MEST: variants seen among roughly 807,000 people sequenced by gnomAD.
The protein encoded by MEST is mesoderm-specific transcript homolog protein.
A neutral mutation model predicts 50.9 loss-of-function variants in MEST; 18 were observed. The observed-to-expected ratio is 0.35, with a 90% CI of 0.24 to 0.52. MEST has a LOEUF of 0.52. Ranked by LOEUF, MEST falls within the 20% of genes least tolerant of loss-of-function variation. The pLI, the probability that MEST is intolerant of heterozygous loss-of-function variation, is 0.94. For synonymous variants in MEST, 130 were observed against 154.1 expected (o/e 0.84, Z 1.16); for missense variants, 282 against 425.3 (o/e 0.66, Z 2.96).
At position 130,502,668 on chromosome 7, in the gene MEST, G is replaced by A; in HGVS notation, c.774G>A (p.Arg258=). 6.2e-7 allele frequency: 1 copy of A among 1,613,898 alleles called. No homozygotes were observed. Among genetic ancestry groups the A allele is most frequent in the East Asian group, 2.2e-5 (1 of 44,870 alleles). The stretch of plus-strand genomic sequence containing the variant: ...GTCTCTTACAGTACATCAATCAGAG[G>A]AAGAAGTTCAGAAGGCGCTGGGTGG... The part of the protein sequence containing the change: ...IDSLLQYINQ[R]KKFRRRWVGA... The change falls in exon 10 of 12, where the codon AGG becomes AGA. Residue 258 remains arginine, a synonymous_variant. Transcript: ENST00000223215.
upstream of MEST, chr7:130,488,357 G>A (rs925600260): frequency 1.3e-5 from 2 of 152,164 alleles, no homozygotes; most frequent in African/African-American, 4.8e-5. Context: ...TGCACTCATT[G>A]GAGCCATACA....
Position 130,497,963 on chromosome 7 carries a change from C to G in MEST, c.289C>G (p.His97Asp), listed in dbSNP as rs782604357. ...KIWEGLTLRF[H>D]RVIALDFLGF... Reference sequence around the variant, plus strand: ...TTGGGAAGGTCTGACCTTGAGGTTTCATCGGGTGATTGCCCTTGATTTCTT... The same window carrying G: ...TTGGGAAGGTCTGACCTTGAGGTTTGATCGGGTGATTGCCCTTGATTTCTT... Residue 97 changes from histidine (H) to aspartate (D), a missense_variant, in exon 4 of 12, where the codon CAT (histidine) becomes GAT (aspartate). Coordinates refer to ENST00000223215, the MANE Select transcript of MEST (RefSeq NM_002402.4). The surrounding 1 kb of genome is among the most constrained non-coding windows in gnomAD (Gnocchi z 4.0). 2.5e-6 allele frequency: 4 copies of G among 1,614,254 alleles called. No individual in the cohort carries two copies. The South Asian group carries it at 3.3e-5, about 13-fold the overall frequency.
Position 130,492,285 on chromosome 7 carries a change from T to C in MEST, c.-29T>C. The C allele has an allele frequency of 1.5e-6, 2 of 1,348,102 alleles. No individual in the cohort carries two copies. The highest frequency in any genetic ancestry group is 3.0e-5 in the East Asian group (1 of 33,040). 83.5% of individuals were successfully genotyped at this position (1,348,102 alleles called of 1,614,324 possible). ...TGCGGCGCCCGGTGCTCTGCAACGC[T>C]GCGGCGGGCGGCATGGGATAACGCG... is the stretch of plus-strand genomic sequence containing the variant. On this transcript the variant is annotated 5_prime_UTR_variant, in exon 1 of 12. Coordinates refer to ENST00000223215, the MANE Select transcript of MEST (RefSeq NM_002402.4). This position sits in a 1 kb window ranked among gnomAD's most constrained non-coding sequence, Gnocchi z 7.6.
At chr7:130,491,213 C>G (rs1798797405), upstream of MEST, 1 of 152,372 alleles carries the variant, frequency 6.6e-6, no homozygotes, top group East Asian at 1.9e-4. The surrounding 1 kb of genome is among the most constrained non-coding windows in gnomAD (Gnocchi z 6.8). Flanking sequence ...TTTCTTGTGC[C>G]TCTGGGCCCT....
chr7:130,503,854 C>T (rs1180921545), intron 10 of MEST, 79 bp from the exon 11 acceptor site: 16 of 1,047,018 alleles, frequency 1.5e-5, no homozygotes, highest in Admixed American at 5.7e-5. Flanking sequence ...CATTTCTTTT[C>T]GGAGAGGAGT....
rs911252013 is a variant in MEST at position 130,495,268 on chromosome 7, G to A, written c.27-100G>A. The stretch of plus-strand genomic sequence containing the variant: ...GTGAAGGGCAATGTAATCATTGCAT[G>A]GTAACAGCAATCTCCCACCCCATCT... On this transcript the variant is annotated intron_variant, in intron 1 of 11. Coordinates refer to ENST00000223215, the MANE Select transcript of MEST (RefSeq NM_002402.4). 51 of 1,245,406 alleles carry A rather than the reference G, an allele frequency of 4.1e-5. No homozygotes were observed. The African/African-American group carries it at 6.9e-4, about 17-fold the overall frequency. The allele number at this position is 1,245,406 out of a possible 1,614,324, so 77.1% of individuals were successfully genotyped here. A position where few individuals can be genotyped will look rare whatever the true frequency, so the allele number is the denominator to read the frequency against.
chr7:130,505,143 C>T lies in MEST; in HGVS notation c.*87C>T, dbSNP rs1554439612. On this transcript the variant is annotated 3_prime_UTR_variant, in exon 12 of 12. Coordinates refer to ENST00000223215, the MANE Select transcript of MEST (RefSeq NM_002402.4). Reference sequence around the variant, plus strand: ...TTAGGAAGAAATGCCCAAAAGAGGTCCTGGCCATCAAACATAATTCTCTCA... The same window carrying T: ...TTAGGAAGAAATGCCCAAAAGAGGTTCTGGCCATCAAACATAATTCTCTCA... The T allele has an allele frequency of 2.0e-6, 2 of 975,744 alleles. No homozygotes were observed. The highest frequency in any genetic ancestry group is 1.6e-5 in the African/African-American group (1 of 61,996). 60.4% of individuals were successfully genotyped at this position (975,744 alleles called of 1,614,324 possible).
chr7:130,498,561 A>G (rs1799158992), intron 6 of MEST, 84 bp downstream of exon 6: 1 of 1,229,264 alleles, frequency 8.1e-7, no homozygotes, highest in Non-Finnish European at 1.2e-6. Flanking sequence ...TGGTAATCTG[A>G]TAATATTTCA....
chr7:130,503,839 G>C, intron 10 of MEST, 94 bp from the exon 11 acceptor site: 1 of 961,622 alleles, frequency 1.0e-6, no homozygotes, highest in South Asian at 1.4e-5. Context: ...AAAGGAAGAA[G>C]AAAACATTTC....
rs553650916 is a variant in MEST, at chr7:130,502,928, A to C, written c.826+208A>C. Among the ~76,000 whole-genome samples, 14 of 152,338 alleles carry C rather than the reference A, an allele frequency of 9.2e-5. 1 individual carries two copies. The South Asian group carries it at 2.9e-3, about 32-fold the overall frequency. On this transcript the variant is annotated intron_variant, in intron 10 of 11. Coordinates refer to ENST00000223215, the MANE Select transcript of MEST (RefSeq NM_002402.4). ...TGGGACCTACTTACACCAAAAAAAA[A>C]TCATTTTTCACCTGAAATTCAAATT...
At chr7:130,491,391 G>A (rs900478394), upstream of MEST, 2 of 152,342 alleles carry the variant, frequency 1.3e-5, no homozygotes, top group African/African-American at 4.8e-5. The surrounding 1 kb of genome is among the most constrained non-coding windows in gnomAD (Gnocchi z 6.8). Flanking sequence ...AAGGAAACCT[G>A]CCCCGCGCAG....
rs71178591 is a variant in MEST at position 130,495,778 on chromosome 7, G to GTTTTTTTT, written c.181+264_181+271dup. 130 of 189,688 alleles carry GTTTTTTTT rather than the reference G, an allele frequency of 6.9e-4. 3 individuals carry two copies. The highest frequency in any genetic ancestry group is 3.1e-3 in the South Asian group (25 of 7,980). 11.8% of individuals were successfully genotyped at this position (189,688 alleles called of 1,614,324 possible). ...TAGCTTGATATGTATTCCAATATTAGTTTTTTTTTTTTTTTGAGCAACCTG... is the reference window on the plus strand; with the variant it reads ...TAGCTTGATATGTATTCCAATATTAGTTTTTTTTTTTTTTTTTTTTTTTGAGCAACCTG... On this transcript the variant is annotated intron_variant, in intron 2 of 11. Coordinates refer to ENST00000223215, the MANE Select transcript of MEST (RefSeq NM_002402.4).
chr7:130,489,660 T>G (rs1798726618), upstream of MEST: 1 of 152,218 alleles, frequency 6.6e-6, no homozygotes, highest in African/African-American at 2.4e-5. Flanking sequence ...GCCTAAGATC[T>G]GGGTTCCATG....
In MEST at chr7:130,497,042, T is replaced by C. The variant is rs1243798257; in HGVS notation, c.182-114T>C. On this transcript the variant is annotated intron_variant, in intron 2 of 11. Transcript: ENST00000223215. The surrounding 1 kb of genome is among the most constrained non-coding windows in gnomAD (Gnocchi z 4.0). ...TTTACAAATAATTGTGTCATTTTAA[T>C]GTCAATTTGGTCACAGTTGCTTGTT... is the stretch of plus-strand genomic sequence containing the variant. 3 of 750,076 alleles carry C rather than the reference T, an allele frequency of 4.0e-6. No individual in the cohort carries two copies. Among genetic ancestry groups the C allele is most frequent in the Middle Eastern group, 2.5e-4 (1 of 4,026 alleles). 46.5% of individuals were successfully genotyped at this position (750,076 alleles called of 1,614,324 possible).
chr7:130,497,824 C>A lies in MEST; in HGVS notation c.262-112C>A. On this transcript the variant is annotated intron_variant, in intron 3 of 11. Coordinates refer to ENST00000223215, the MANE Select transcript of MEST (RefSeq NM_002402.4). This position sits in a 1 kb window ranked among gnomAD's most constrained non-coding sequence, Gnocchi z 4.0. The stretch of plus-strand genomic sequence containing the variant: ...CTGTGGTAGTTTCATGGCGTTTTCT[C>A]TTTATGGAAGTCTGTTAAGCCAAGA... 1.1e-6 allele frequency: 1 copy of A among 914,498 alleles called. No individual in the cohort carries two copies. Among genetic ancestry groups the A allele is most frequent in the South Asian group, 1.4e-5 (1 of 72,876 alleles). The allele number at this position is 914,498 out of a possible 1,614,324, so 56.6% of individuals were successfully genotyped here. A position where few individuals can be genotyped will look rare whatever the true frequency, so the allele number is the denominator to read the frequency against.
intron 2 of MEST, chr7:130,495,777 A>ATTTT (rs1563021896): frequency 1.6e-4 from 32 of 202,008 alleles, no homozygotes; most frequent in East Asian, 2.6e-4. Context: ...TTCCAATATT[A>ATTTT]GTTTTTTTTT....
At chr7:130,498,700 T>C in intron 6 of MEST, 1 of 598,672 alleles carries the variant, frequency 1.7e-6, no homozygotes. Flanking sequence ...TTACAAAGGA[T>C]AGTGACTTTA....
intron 2 of MEST, 152 bp downstream of exon 2, chr7:130,495,674 C>A: frequency 1.3e-6 from 1 of 754,522 alleles, no homozygotes; most frequent in Non-Finnish European, 2.0e-6. Flanking sequence ...CAGAGAAGCG[C>A]AGAAAACTGC....
At position 130,492,440 on chromosome 7, in the gene MEST, C is replaced by G; in HGVS notation, c.26+101C>G. On this transcript the variant is annotated intron_variant, in intron 1 of 11. Coordinates refer to ENST00000223215, the MANE Select transcript of MEST (RefSeq NM_002402.4). This position sits in a 1 kb window ranked among gnomAD's most constrained non-coding sequence, Gnocchi z 7.6. The stretch of plus-strand genomic sequence containing the variant: ...GCCCGTGTCCGAGCTGGGGCTGCCT[C>G]TGGGCGAAAACTCTACCGACAGGCG... The G allele has an allele frequency of 3.7e-6, 4 of 1,077,232 alleles. No homozygotes were observed. The highest frequency in any genetic ancestry group is 4.7e-6 in the Non-Finnish European group (4 of 842,116). The allele number at this position is 1,077,232 out of a possible 1,614,324, so 66.7% of individuals were successfully genotyped here.
Sources: gnomAD v4.1 joint callset for allele counts (sites outside exome capture counted in the v4.1 genomes callset) on GRCh38, gnomAD v4.1.1 for gene constraint, Gnocchi (gnomAD v3.1) non-coding constraint, MANE v1.5 for transcripts, NCBI Gene and HGNC (gene_info 2026-07-23, HGNC 2026-07-21) for gene names.